SNX29: variants seen among roughly 807,000 people sequenced by gnomAD.
The protein encoded by SNX29 is sorting nexin 29, also known as sorting nexin-29.
In SNX29, 78 loss-of-function variants were observed where a neutral mutation model predicts 102.1. The ratio of observed to expected loss-of-function variants is 0.76; its 90% CI spans 0.64 to 0.92. The LOEUF (loss-of-function observed/expected upper bound fraction) is 0.92. Ranked by LOEUF, SNX29 falls within the 40% of genes least tolerant of loss-of-function variation. The probability of loss-of-function intolerance (pLI) is 0.00; values close to 1 mark genes in which losing one functional copy is unlikely to be tolerated. For synonymous variants in SNX29, 580 were observed against 414.5 expected (o/e 1.40, Z -4.85); for missense variants, 1,280 against 1,061.7 (o/e 1.21, Z -2.86).
intron 15 of SNX29, among the ~76,000 whole-genome samples, chr16:12,288,500 G>C (rs1338141678): frequency 6.6e-6 from 1 of 152,114 alleles, no homozygotes; most frequent in African/African-American, 2.4e-5. Context: ...CACTGGAGCT[G>C]TGACACCGCC....
intron 18 of SNX29, among the ~76,000 whole-genome samples, chr16:12,404,397 T>C (rs1344906669): frequency 1.3e-5 from 2 of 152,090 alleles, no homozygotes; most frequent in East Asian, 3.9e-4. Context: ...CGTCTGCATG[T>C]CTGTCTTCCT....
chr16:12,085,310 C>G (rs2052111591), intron 11 of SNX29, among the ~76,000 whole-genome samples: 1 of 152,114 alleles, frequency 6.6e-6, no homozygotes, highest in African/African-American at 2.4e-5. Context: ...TTTGGAGGCC[C>G]CATATTCCTT....
chr16:12,322,086 A>G (rs2080955324), intron 15 of SNX29, among the ~76,000 whole-genome samples: 1 of 152,096 alleles, frequency 6.6e-6, no homozygotes, highest in Non-Finnish European at 1.5e-5. Context: ...GGTTCCCTTC[A>G]CTGGAGGAAA....
intron 15 of SNX29, among the ~76,000 whole-genome samples, chr16:12,337,707 G>A (rs912791974): frequency 3.9e-5 from 6 of 152,148 alleles, no homozygotes; most frequent in East Asian, 1.9e-4. Flanking sequence ...TTTTATGGAC[G>A]AAGGGAAGGA....
chr16:12,052,495 G>A, intron 8 of SNX29: 1 of 386,614 alleles, frequency 2.6e-6, no homozygotes, highest in Non-Finnish European at 4.9e-6. Flanking sequence ...AGGTTTACAG[G>A]CATGAGCCAC....
Position 12,260,914 on chromosome 16 carries a change from T to TCAGGTCAGTGCACG in SNX29, c.1679-17017_1679-17004dup, listed in dbSNP as rs567885693. 1.4e-4 allele frequency among the ~76,000 whole-genome samples: 21 copies of TCAGGTCAGTGCACG among 149,530 alleles called. No homozygotes were observed. The East Asian group carries it at 3.8e-3, about 27-fold the overall frequency. On this transcript the variant is annotated intron_variant, in intron 14 of 20. Transcript: ENST00000566228. ...CAGCTGGAGTGAGTGTTTGTTGAGCTCAGGTCAGTGCACGCGCCCCCGGCT... is the reference window on the plus strand; with the variant it reads ...CAGCTGGAGTGAGTGTTTGTTGAGCTCAGGTCAGTGCACGCAGGTCAGTGCACGCGCCCCCGGCT...
chr16:12,042,827 T>C, intron 4 of SNX29, 70 bp from the exon 5 acceptor site: 1 of 1,497,328 alleles, frequency 6.7e-7, no homozygotes, highest in South Asian at 1.3e-5. Context: ...GCCTAGAGGC[T>C]TTGTGTGTTC....
intron 13 of SNX29, among the ~76,000 whole-genome samples, chr16:12,148,046 G>A (rs1285797887): frequency 3.3e-5 from 5 of 152,204 alleles, no homozygotes; most frequent in African/African-American, 4.8e-5. Context: ...AAACATAGCC[G>A]AAGCAAAGAT....
At chr16:12,278,154 GC>G in intron 15 of SNX29, 118 bp downstream of exon 15, 1 of 793,770 alleles carries the variant, frequency 1.3e-6, no homozygotes, top group Non-Finnish European at 2.1e-6. Flanking sequence ...CAACTCCTCA[GC>G]CCCACAAAAC....
At chr16:12,480,301 T>C (rs1475987279) in intron 19 of SNX29, among the ~76,000 whole-genome samples, 3 of 152,164 alleles carry the variant, frequency 2.0e-5, no homozygotes, top group Non-Finnish European at 4.4e-5. Flanking sequence ...GAGAGTTTGC[T>C]CCTTGCTTTT....
At chr16:12,167,717 GTCA>G (rs941452587) in intron 13 of SNX29, among the ~76,000 whole-genome samples, 3 of 152,204 alleles carry the variant, frequency 2.0e-5, no homozygotes, top group African/African-American at 7.2e-5. Flanking sequence ...GCACAAAGAA[GTCA>G]TCACTTGTTG....
intron 14 of SNX29, among the ~76,000 whole-genome samples, chr16:12,272,158 A>G (rs2079109007): frequency 6.6e-6 from 1 of 152,150 alleles, no homozygotes; most frequent in Admixed American, 6.5e-5. Context: ...CAAAAAGCTT[A>G]TTTCTGCACC....
chr16:12,535,543 G>T (rs1333600678), intron 20 of SNX29, among the ~76,000 whole-genome samples: 1 of 152,194 alleles, frequency 6.6e-6, no homozygotes, highest in African/African-American at 2.4e-5. Context: ...TAGTCTCACA[G>T]CTGGGACGTG....
intron 19 of SNX29, among the ~76,000 whole-genome samples, chr16:12,511,751 G>A (rs1346385106): frequency 6.6e-6 from 1 of 152,170 alleles, no homozygotes; most frequent in East Asian, 1.9e-4. Flanking sequence ...CCCAGGGATT[G>A]GGGCTATGAT....
At chr16:12,493,882 G>A (rs558164812) in intron 19 of SNX29, among the ~76,000 whole-genome samples, 9 of 152,290 alleles carry the variant, frequency 5.9e-5, no homozygotes, top group East Asian at 3.9e-4. Flanking sequence ...GTGAGCCACC[G>A]CACCCAGCCC....
chr16:12,511,079 T>C (rs895818340), intron 19 of SNX29, among the ~76,000 whole-genome samples: 4 of 152,174 alleles, frequency 2.6e-5, no homozygotes, highest in African/African-American at 4.8e-5. Flanking sequence ...TGTTGAGACA[T>C]AAAGATGAGA....
intron 18 of SNX29, among the ~76,000 whole-genome samples, chr16:12,434,097 C>A (rs1209109061): frequency 2.0e-5 from 3 of 152,178 alleles, no homozygotes; most frequent in Admixed American, 1.3e-4. Flanking sequence ...GTGTTTATTT[C>A]ATGCCATTTG....
At chr16:12,562,140 G>A (rs971116530) in intron 20 of SNX29, among the ~76,000 whole-genome samples, 15 of 152,154 alleles carry the variant, frequency 9.9e-5, no homozygotes, top group Non-Finnish European at 2.2e-4. Context: ...AAATGGCTCT[G>A]GCAATACCAG....
At chr16:12,080,687 G>C (rs2051824824) in intron 11 of SNX29, among the ~76,000 whole-genome samples, 1 of 138,628 alleles carries the variant, frequency 7.2e-6, no homozygotes, top group African/African-American at 2.8e-5. Context: ...GCCTACTACA[G>C]TTTACTTTTT....
Sources: gnomAD v4.1 joint callset for allele counts (sites outside exome capture counted in the v4.1 genomes callset) on GRCh38, gnomAD v4.1.1 for gene constraint, MANE v1.5 for transcripts, NCBI Gene and HGNC (gene_info 2026-07-23, HGNC 2026-07-21) for gene names.